Variants in CDK19 observed in about 807,000 individuals in gnomAD.
The protein encoded by CDK19 is cyclin dependent kinase 19, also known as cyclin-dependent kinase 19.
A neutral mutation model predicts 68.3 loss-of-function variants in CDK19; 20 were observed. That is an observed-to-expected ratio of 0.29 (90% CI 0.21 to 0.43). The LOEUF (loss-of-function observed/expected upper bound fraction) is 0.43, where lower values mean the gene tolerates loss of function less well. Ranked by LOEUF, CDK19 falls within the 20% of genes least tolerant of loss-of-function variation. The pLI is 1.00. For synonymous variants in CDK19, 221 were observed against 222.8 expected, an observed-to-expected ratio of 0.99 and a Z score of 0.07; for missense variants, 339 against 623.5, an observed-to-expected ratio of 0.54 and a Z score of 4.86.
chr6:110,771,156 G>C (rs1779990805), intron 1 of CDK19, among the ~76,000 whole-genome samples: 1 of 152,184 alleles, frequency 6.6e-6, no homozygotes, highest in Non-Finnish European at 1.5e-5. Context: ...GCCCCACTAG[G>C]GGCTCTGTGT....
intron 2 of CDK19, among the ~76,000 whole-genome samples, chr6:110,738,420 T>A (rs1415068443): frequency 6.6e-6 from 1 of 151,462 alleles, no homozygotes; most frequent in Non-Finnish European, 1.5e-5. Context: ...CTCAGGAGAC[T>A]GAGGCAGGAA....
At chr6:110,770,899 A>G (rs1779968855) in intron 1 of CDK19, among the ~76,000 whole-genome samples, 1 of 152,190 alleles carries the variant, frequency 6.6e-6, no homozygotes, top group Non-Finnish European at 1.5e-5. Flanking sequence ...GAGCAGTCAA[A>G]TTTTAAAGCT....
chr6:110,777,439 T>C (rs745398583), intron 1 of CDK19, among the ~76,000 whole-genome samples: 29 of 152,180 alleles, frequency 1.9e-4, no homozygotes, highest in Non-Finnish European at 7.4e-5. Context: ...TACCTTATGA[T>C]GGTTACTATC....
chr6:110,650,610 G>C (rs1206520832), intron 4 of CDK19, among the ~76,000 whole-genome samples: 1 of 152,166 alleles, frequency 6.6e-6, no homozygotes, highest in Admixed American at 6.5e-5. Context: ...TTCGGAGAAA[G>C]CCTCTTTGAG....
intron 1 of CDK19, among the ~76,000 whole-genome samples, chr6:110,808,154 C>T (rs1782812972): frequency 6.6e-6 from 1 of 152,146 alleles, no homozygotes; most frequent in Non-Finnish European, 1.5e-5. Flanking sequence ...TGCTAAGCCA[C>T]TCATCCAAAG....
At chr6:110,684,994 C>A (rs2114540025) in intron 2 of CDK19, among the ~76,000 whole-genome samples, 1 of 152,202 alleles carries the variant, frequency 6.6e-6, no homozygotes. Context: ...CAAAAATTAC[C>A]AGGCATGGTG....
At chr6:110,749,517 AC>A (rs1778317470) in intron 1 of CDK19, among the ~76,000 whole-genome samples, 1 of 151,740 alleles carries the variant, frequency 6.6e-6, no homozygotes, top group Non-Finnish European at 1.5e-5. Context: ...CATACCACAC[AC>A]CCAGGTAATT....
At chr6:110,670,333 C>A in intron 3 of CDK19, 98 bp downstream of exon 3, 2 of 584,626 alleles carry the variant, frequency 3.4e-6, no homozygotes, top group South Asian at 2.9e-5. Flanking sequence ...GCTAACAGAG[C>A]AAGCTTTCCT....
chr6:110,675,923 T>C (rs1158893856), intron 2 of CDK19, among the ~76,000 whole-genome samples: 3 of 152,256 alleles, frequency 2.0e-5, no homozygotes, highest in East Asian at 1.9e-4. Context: ...AGAAGTCATT[T>C]TGACTTCCAA....
At chr6:110,788,526 C>T (rs1232397341) in intron 1 of CDK19, among the ~76,000 whole-genome samples, 1 of 152,138 alleles carries the variant, frequency 6.6e-6, no homozygotes, top group Non-Finnish European at 1.5e-5. Flanking sequence ...ATAAAATTCT[C>T]CAGCTTTAGA....
intron 1 of CDK19, among the ~76,000 whole-genome samples, chr6:110,765,469 GA>G (rs1316512406): frequency 6.6e-6 from 1 of 151,942 alleles, no homozygotes; most frequent in East Asian, 1.9e-4. Context: ...ACGAGGTCAG[GA>G]GATTGAGACC....
intron 1 of CDK19, among the ~76,000 whole-genome samples, chr6:110,805,704 T>C (rs1782633039): frequency 2.0e-5 from 3 of 151,900 alleles, no homozygotes; most frequent in South Asian, 2.1e-4. Context: ...TAACACCACA[T>C]ATGAACTTAT....
intron 2 of CDK19, among the ~76,000 whole-genome samples, chr6:110,742,392 T>C (rs1260903632): frequency 1.3e-5 from 2 of 152,186 alleles, no homozygotes; most frequent in Non-Finnish European, 1.5e-5. Context: ...ATTGTACAAA[T>C]AGATTGTAAA....
At chr6:110,618,109 A>T (rs376315501) in intron 12 of CDK19, among the ~76,000 whole-genome samples, 1 of 151,778 alleles carries the variant, frequency 6.6e-6, no homozygotes, top group Non-Finnish European at 1.5e-5. Context: ...AAAGATAGAA[A>T]CCCAAACCAG....
rs1342104453 is a variant in CDK19 at position 110,621,526 on chromosome 6, G to A, written c.1111-156C>T. ...GAGGACTGGAGAATGGAGCAGCCAG[G>A]GAACACAGTGTTCCCAAAGGGCAAG... On this transcript the variant is annotated intron_variant, in intron 11 of 12. Coordinates refer to ENST00000368911, the MANE Select transcript of CDK19 (RefSeq NM_015076.5). This position sits in a 1 kb window ranked among gnomAD's most constrained non-coding sequence, Gnocchi z 5.4. Among the ~76,000 whole-genome samples, 1 of 152,132 alleles carries A rather than the reference G, an allele frequency of 6.6e-6. No homozygotes were observed. Among genetic ancestry groups the A allele is most frequent in the African/African-American group, 2.4e-5 (1 of 41,398 alleles).
chr6:110,777,775 T>C (rs1185913533), intron 1 of CDK19, among the ~76,000 whole-genome samples: 4 of 152,202 alleles, frequency 2.6e-5, no homozygotes, highest in South Asian at 4.1e-4. Flanking sequence ...GGACAAACAA[T>C]TGGTAGCATA....
intron 1 of CDK19, among the ~76,000 whole-genome samples, chr6:110,780,508 T>C (rs777489314): frequency 6.6e-6 from 1 of 152,120 alleles, no homozygotes; most frequent in Admixed American, 6.6e-5. Flanking sequence ...AAATTTATTT[T>C]AAGACGGTAA....
At chr6:110,615,483 A>G (rs1422830173) in intron 12 of CDK19, among the ~76,000 whole-genome samples, 1 of 152,202 alleles carries the variant, frequency 6.6e-6, no homozygotes, top group East Asian at 1.9e-4. Flanking sequence ...TTGTAAGCAA[A>G]GTGGGAAAGA....
chr6:110,811,806 A>C (rs1583158179), intron 1 of CDK19, among the ~76,000 whole-genome samples: 2 of 152,100 alleles, frequency 1.3e-5, no homozygotes, highest in East Asian at 3.9e-4. Context: ...CCAGGAGTTC[A>C]AGACCAACCT....
Sources: gnomAD v4.1 joint callset for allele counts (sites outside exome capture counted in the v4.1 genomes callset) on GRCh38, gnomAD v4.1.1 for gene constraint, Gnocchi (gnomAD v3.1) non-coding constraint, MANE v1.5 for transcripts, NCBI Gene and HGNC (gene_info 2026-07-23, HGNC 2026-07-21) for gene names.